Variants in USP25 observed in about 807,000 individuals in gnomAD.
The protein encoded by USP25 is ubiquitin carboxyl-terminal hydrolase 25.
In USP25, 85 loss-of-function variants were observed where a neutral mutation model predicts 158.5. The observed-to-expected ratio is 0.54, with a 90% confidence interval of 0.45 to 0.64. The LOEUF (loss-of-function observed/expected upper bound fraction) is 0.64, where lower values mean the gene tolerates loss of function less well. Among genes scored for constraint, USP25 ranks in the 30% least tolerant of loss-of-function variants. The pLI is 0.00. For synonymous variants in USP25, 464 were observed against 460.4 expected (o/e 1.01, Z -0.10); for missense variants, 1,242 against 1,327.3 (o/e 0.94, Z 1.00).
chr21:15,856,025 A>T (rs1309219073), intron 20 of USP25, among the ~76,000 whole-genome samples: 2 of 152,028 alleles, frequency 1.3e-5, no homozygotes, highest in South Asian at 2.1e-4. Context: ...TATGACTATA[A>T]TTTTTTTCTA....
At chr21:15,846,122 G>GTATATATATATATATA (rs34210530) in intron 18 of USP25, among the ~76,000 whole-genome samples, 1 of 55,708 alleles carries the variant, frequency 1.8e-5, no homozygotes, top group Non-Finnish European at 3.1e-5. Flanking sequence ...GTGTGTGTGT[G>GTATATATATATATATA]TATATATATA....
intron 3 of USP25, among the ~76,000 whole-genome samples, chr21:15,774,139 A>G (rs186346911): frequency 5.1e-4 from 78 of 152,348 alleles, no homozygotes; most frequent in Admixed American, 4.5e-3. Flanking sequence ...GTGGAATTCG[A>G]AATCACATCA....
At chr21:15,834,121 A>C (rs2037943632) in intron 17 of USP25, among the ~76,000 whole-genome samples, 1 of 152,238 alleles carries the variant, frequency 6.6e-6, no homozygotes, top group African/African-American at 2.4e-5. Context: ...AGACCTGTAA[A>C]CCAAAGATAT....
intron 1 of USP25, among the ~76,000 whole-genome samples, chr21:15,748,787 C>T (rs770906291): frequency 6.6e-6 from 1 of 152,084 alleles, no homozygotes; most frequent in Non-Finnish European, 1.5e-5. Context: ...TGACAGATGG[C>T]AGTGTTTTGC....
intron 10 of USP25, among the ~76,000 whole-genome samples, chr21:15,820,374 G>T (rs543285984): frequency 1.6e-4 from 24 of 151,900 alleles, no homozygotes; most frequent in African/African-American, 5.3e-4. Context: ...TCTTAGATTT[G>T]TCCTCCATCT....
chr21:15,847,801 A>G (rs1185988095), intron 19 of USP25, 25 bp downstream of exon 19: 1 of 1,447,706 alleles, frequency 6.9e-7, no homozygotes, highest in East Asian at 2.5e-5. Context: ...CCTCTGCACC[A>G]TTGCTACTTA....
chr21:15,847,624 C>A, intron 18 of USP25, 39 bp from the exon 19 acceptor site: 2 of 1,406,608 alleles, frequency 1.4e-6, no homozygotes, highest in East Asian at 2.5e-5. Flanking sequence ...CTCCACTGTT[C>A]TCTTTTCTAA....
intron 7 of USP25, among the ~76,000 whole-genome samples, chr21:15,806,700 G>T (rs2036410486): frequency 6.6e-6 from 1 of 152,126 alleles, no homozygotes; most frequent in Non-Finnish European, 1.5e-5. Flanking sequence ...AATTAAGGTT[G>T]ATAAGTTTGA....
At chr21:15,874,263 C>A in intron 23 of USP25, 140 bp from the exon 24 acceptor site, 1 of 712,878 alleles carries the variant, frequency 1.4e-6, no homozygotes, top group South Asian at 2.3e-5. Flanking sequence ...CTCAAGCATA[C>A]ACTGCGTCAG....
At chr21:15,778,544 G>A (rs185839113) in intron 4 of USP25, among the ~76,000 whole-genome samples, 122 of 152,092 alleles carry the variant, frequency 8.0e-4, no homozygotes, top group Non-Finnish European at 1.4e-3. Flanking sequence ...CTCGGCTGTG[G>A]TTTGCTGACT....
intron 23 of USP25, among the ~76,000 whole-genome samples, chr21:15,873,927 A>AT (rs1555870052): frequency 6.7e-6 from 1 of 148,328 alleles, no homozygotes. Flanking sequence ...TTTTTTTTAC[A>AT]TTTTTCTCAG....
intron 4 of USP25, among the ~76,000 whole-genome samples, chr21:15,788,325 A>G (rs1223024562): frequency 6.6e-6 from 1 of 151,992 alleles, no homozygotes; most frequent in Non-Finnish European, 1.5e-5. Context: ...TGCCAGTACT[A>G]GATTATAGAA....
At chr21:15,778,116 GAT>G (rs2034764580) in intron 4 of USP25, 89 bp downstream of exon 4, 1 of 1,241,554 alleles carries the variant, frequency 8.1e-7, no homozygotes, top group African/African-American at 1.5e-5. Context: ...GAGGTAATAA[GAT>G]ATACTTTGTT....
At chr21:15,802,418 G>A (rs77351677) in intron 6 of USP25, among the ~76,000 whole-genome samples, 11,867 of 151,514 alleles carry the variant, frequency 0.078, 515 homozygotes, top group East Asian at 0.091. Flanking sequence ...GTGCATCTTA[G>A]AGGATTCAAA....
Position 15,846,122 on chromosome 21 carries a change from GTATATATATATATATA to G in USP25, c.2338-1519_2338-1504del, listed in dbSNP as rs34210530. On this transcript the variant is annotated intron_variant, in intron 18 of 25. Coordinates refer to ENST00000400183, the MANE Select transcript of USP25 (RefSeq NM_001283041.3). ...TTTTGATATATGTGTGTGTGTGTGT[GTATATATATATATATA>G]TATATATATATATATATATATTTTT... Among the ~76,000 whole-genome samples, 14 of 55,710 alleles carry G rather than the reference GTATATATATATATATA, an allele frequency of 2.5e-4. 2 individuals carry two copies. Among genetic ancestry groups the G allele is most frequent in the Non-Finnish European group, 3.7e-4 (12 of 32,758 alleles). 36.5% of individuals were successfully genotyped at this position (55,710 alleles called of 152,430 possible).
chr21:15,824,855 A>G (rs548489526), intron 11 of USP25, 111 bp from the exon 12 acceptor site: 1 of 783,668 alleles, frequency 1.3e-6, no homozygotes, highest in Non-Finnish European at 2.1e-6. Context: ...ACCTCAGGTG[A>G]TCCTCCCGCC....
intron 6 of USP25, among the ~76,000 whole-genome samples, chr21:15,804,410 AATTAT>A (rs1229667634): frequency 3.3e-5 from 5 of 151,402 alleles, no homozygotes; most frequent in African/African-American, 9.7e-5. Flanking sequence ...ATTGTGATTG[AATTAT>A]ATTAAATATA....
intron 1 of USP25, among the ~76,000 whole-genome samples, chr21:15,751,825 G>A (rs2033034534): frequency 6.6e-6 from 1 of 152,158 alleles, no homozygotes; most frequent in African/African-American, 2.4e-5. Flanking sequence ...TTAGCTTATA[G>A]TGCTGAGTAA....
At chr21:15,775,916 C>G (rs552624631) in intron 3 of USP25, among the ~76,000 whole-genome samples, 2 of 151,776 alleles carry the variant, frequency 1.3e-5, no homozygotes, top group African/African-American at 4.8e-5. Flanking sequence ...CTTAAGAGAA[C>G]GAGTTAATGG....
Sources: gnomAD v4.1 joint callset for allele counts (sites outside exome capture counted in the v4.1 genomes callset) on GRCh38, gnomAD v4.1.1 for gene constraint, MANE v1.5 for transcripts, NCBI Gene and HGNC (gene_info 2026-07-23, HGNC 2026-07-21) for gene names.